The following RAB3IP variants were observed in gnomAD, a reference collection of about 807,000 sequenced individuals.
RAB3IP encodes the protein rab-3A-interacting protein.
In RAB3IP, 36 loss-of-function variants were observed where a neutral mutation model predicts 59.1. The observed-to-expected ratio is 0.61, with a 90% CI of 0.47 to 0.80. The LOEUF is 0.80. Among genes scored for constraint, RAB3IP ranks in the 30% least tolerant of loss-of-function variants. RAB3IP has a pLI of 0.00. For synonymous variants in RAB3IP, 207 were observed against 191.2 expected (o/e 1.08, Z -0.68); for missense variants, 511 against 536.0 (o/e 0.95, Z 0.46).
intron 8 of RAB3IP, among the ~76,000 whole-genome samples, chr12:69,805,118 C>T (rs977321140): frequency 6.6e-6 from 1 of 152,186 alleles, no homozygotes; most frequent in African/African-American, 2.4e-5. Flanking sequence ...TTGAGTCTTC[C>T]TACCCATGAG....
chr12:69,808,995 T>C (rs369056308), intron 8 of RAB3IP, among the ~76,000 whole-genome samples: 1 of 151,776 alleles, frequency 6.6e-6, no homozygotes, highest in Non-Finnish European at 1.5e-5. Context: ...TTCCTAGCCT[T>C]GATGGTCTTT....
In RAB3IP at chr12:69,788,657, A is replaced by G. The variant is rs946152049; in HGVS notation, c.606+3842A>G. The stretch of plus-strand genomic sequence containing the variant: ...TCTAATGAGTAGATTATTCAGACAG[A>G]AAATTAATAAGGAAACAGCAGAACT... On this transcript the variant is annotated intron_variant, in intron 4 of 10. Transcript: ENST00000247833. Among the ~76,000 whole-genome samples the G allele has an allele frequency of 3.3e-5, 5 of 152,116 alleles. No homozygotes were observed. The South Asian group carries it at 1.0e-3, about 31-fold the overall frequency.
At chr12:69,810,790 A>G (rs1880325815) in intron 8 of RAB3IP, among the ~76,000 whole-genome samples, 1 of 152,202 alleles carries the variant, frequency 6.6e-6, no homozygotes, top group Admixed American at 6.5e-5. Flanking sequence ...GATTTGTGGA[A>G]GAGGATTACG....
At chr12:69,795,507 C>T in intron 6 of RAB3IP, 163 bp downstream of exon 6, 1 of 623,530 alleles carries the variant, frequency 1.6e-6, no homozygotes, top group Admixed American at 2.8e-5. Context: ...AGGGATTCTT[C>T]AGTTCCATTT....
rs200293642 is a variant in RAB3IP at position 69,794,440 on chromosome 12, G to A, written c.610G>A (p.Ala204Thr). The change falls in exon 5 of 11, where the codon GCT becomes ACT. Residue 204 changes from alanine to threonine, a missense_variant. Physicochemically the swap from Ala to Thr is moderately conservative, Grantham distance 58. Coordinates refer to ENST00000247833, the MANE Select transcript of RAB3IP (RefSeq NM_022456.5). ...TTTGAGATGTTAACTTTTTCAGGAAGCTCATAAAATGGTGAGAGAAGCAAA... is the reference window on the plus strand; with the variant it reads ...TTTGAGATGTTAACTTTTTCAGGAAACTCATAAAATGGTGAGAGAAGCAAA... ...EELTASLFEE[A>T]HKMVREANIK... 65 of 1,609,404 alleles carry A rather than the reference G, an allele frequency of 4.0e-5. No homozygotes were observed. Among genetic ancestry groups the A allele is most frequent in the Non-Finnish European group, 5.9e-6 (7 of 1,178,064 alleles).
intron 8 of RAB3IP, among the ~76,000 whole-genome samples, chr12:69,802,779 G>A (rs928847847): frequency 7.2e-5 from 11 of 152,178 alleles, no homozygotes; most frequent in Non-Finnish European, 1.5e-4. Context: ...TGTTACGCAC[G>A]TTACGGTCTC....
chr12:69,811,149 G>T (rs927935447), intron 8 of RAB3IP, among the ~76,000 whole-genome samples: 2 of 152,130 alleles, frequency 1.3e-5, no homozygotes, highest in Non-Finnish European at 2.9e-5. Context: ...ACCACATGCT[G>T]CCTGTTCTCC....
At chr12:69,747,964 C>T (rs1487637972) in intron 1 of RAB3IP, among the ~76,000 whole-genome samples, 1 of 151,834 alleles carries the variant, frequency 6.6e-6, no homozygotes, top group Non-Finnish European at 1.5e-5. Context: ...AAATGATTTA[C>T]TTTCTGAGTG....
intron 4 of RAB3IP, among the ~76,000 whole-genome samples, chr12:69,787,011 T>A (rs190692764): frequency 6.6e-6 from 1 of 152,296 alleles, no homozygotes; most frequent in African/African-American, 2.4e-5. Context: ...TATTTGGTCT[T>A]AATTGTGCCT....
Position 69,815,695 on chromosome 12 carries a change from A to C in RAB3IP, c.*249A>C, listed in dbSNP as rs1054880. 0.32 allele frequency: 80,761 copies of C among 253,534 alleles called. 13,534 individuals carry two copies. The highest frequency in any genetic ancestry group is 0.35 in the South Asian group (2,424 of 6,998). 15.7% of individuals were successfully genotyped at this position (253,534 alleles called of 1,614,324 possible). A position where few individuals can be genotyped will look rare whatever the true frequency, so the allele number is the denominator to read the frequency against. On this transcript the variant is annotated 3_prime_UTR_variant, in exon 11 of 11. Coordinates refer to ENST00000247833, the MANE Select transcript of RAB3IP (RefSeq NM_022456.5). ...TAATTTATAGTTGCCAAAAAAAAAA[A>C]AAACCTGAAATAAATAAATGTTAGA...
intron 1 of RAB3IP, among the ~76,000 whole-genome samples, chr12:69,752,321 TTATATA>T (rs560948765): frequency 6.8e-6 from 1 of 147,304 alleles, no homozygotes; most frequent in Admixed American, 6.7e-5. Context: ...TAAAAAAAAA[TTATATA>T]TATATATTTA....
rs1347548216 is a variant in RAB3IP at position 69,817,171 on chromosome 12, G to A, written c.*1725G>A. On this transcript the variant is annotated 3_prime_UTR_variant, in exon 11 of 11. Transcript: ENST00000247833. The stretch of plus-strand genomic sequence containing the variant: ...GTAATCAAATACTCAGAAAAAGTTT[G>A]TTGATGACTTAAAAAGGATAAATAA... The A allele has an allele frequency of 6.6e-6, 1 of 152,144 alleles. No homozygotes were observed. Among genetic ancestry groups the A allele is most frequent in the African/African-American group, 2.4e-5 (1 of 41,438 alleles). 9.4% of individuals were successfully genotyped at this position (152,144 alleles called of 1,614,324 possible).
rs1228297433 is a variant in RAB3IP at position 69,819,386 on chromosome 12, A to T, written c.*3940A>T. The T allele has an allele frequency of 1.3e-5, 2 of 152,254 alleles. No individual in the cohort carries two copies. Among genetic ancestry groups the T allele is most frequent in the Non-Finnish European group, 2.9e-5 (2 of 68,078 alleles). 9.4% of individuals were successfully genotyped at this position (152,254 alleles called of 1,614,324 possible). On this transcript the variant is annotated 3_prime_UTR_variant, in exon 11 of 11. Coordinates refer to ENST00000247833, the MANE Select transcript of RAB3IP (RefSeq NM_022456.5). ...GAGACAGAAATTCAGTGTTTGACAG[A>T]TCAAGTGTGAGGTGCCCACTGAGCA...
At chr12:69,739,062 G>C (rs1886974582) in intron 1 of RAB3IP, 31 bp downstream of exon 1, 1 of 152,018 alleles carries the variant, frequency 6.6e-6, no homozygotes, top group Non-Finnish European at 1.5e-5. Context: ...GAGAGGCCCG[G>C]AGCGTAGAGC....
intron 3 of RAB3IP, among the ~76,000 whole-genome samples, chr12:69,784,062 T>C (rs1291413578): frequency 5.3e-5 from 8 of 152,208 alleles, no homozygotes; most frequent in Non-Finnish European, 8.8e-5. Context: ...AGTTTAGGGC[T>C]ACTTAAGCAT....
At chr12:69,756,235 AC>A (rs2136128439) in intron 2 of RAB3IP, among the ~76,000 whole-genome samples, 169 bp from the exon 3 acceptor site, 1 of 152,338 alleles carries the variant, frequency 6.6e-6, no homozygotes, top group Non-Finnish European at 1.5e-5. Context: ...GGTATTAACC[AC>A]ATGTAGCTAT....
At chr12:69,809,331 C>A (rs907822693) in intron 8 of RAB3IP, among the ~76,000 whole-genome samples, 1 of 152,170 alleles carries the variant, frequency 6.6e-6, no homozygotes, top group Non-Finnish European at 1.5e-5. Context: ...CTGCCCTTAA[C>A]ATTTTTTCCT....
rs1330661869 is a variant in RAB3IP, at chr12:69,818,838, AT to A, written c.*3393del. ...CTCTGGAGAGGTAGAGGAGGAGCAA[AT>A]CTATGAGTAAGTCACTGGTAATGTT... On this transcript the variant is annotated 3_prime_UTR_variant, in exon 11 of 11. Coordinates refer to ENST00000247833, the MANE Select transcript of RAB3IP (RefSeq NM_022456.5). 1 of 152,206 alleles carries A rather than the reference AT, an allele frequency of 6.6e-6. No homozygotes were observed. Among genetic ancestry groups the A allele is most frequent in the African/African-American group, 2.4e-5 (1 of 41,440 alleles). The allele number at this position is 152,206 out of a possible 1,614,324, so 9.4% of individuals were successfully genotyped here.
chr12:69,797,285 C>T lies in RAB3IP; in HGVS notation c.888+1941C>T, dbSNP rs147464161. On this transcript the variant is annotated intron_variant, in intron 6 of 10. Coordinates refer to ENST00000247833, the MANE Select transcript of RAB3IP (RefSeq NM_022456.5). ...TACTGCTTTCTTGCTATGCAATCTCCGGCAAATTACAAATGGCAATCATAA... is the reference window on the plus strand; with the variant it reads ...TACTGCTTTCTTGCTATGCAATCTCTGGCAAATTACAAATGGCAATCATAA... Among the ~76,000 whole-genome samples the T allele has an allele frequency of 1.3e-4, 20 of 152,200 alleles. No individual in the cohort carries two copies. In the East Asian group the frequency reaches 1.4e-3, roughly 10 times the overall value.
Sources: gnomAD v4.1 joint callset for allele counts (sites outside exome capture counted in the v4.1 genomes callset) on GRCh38, gnomAD v4.1.1 for gene constraint, MANE v1.5 for transcripts, NCBI Gene and HGNC (gene_info 2026-07-23, HGNC 2026-07-21) for gene names.